The following EEF1E1 variants were observed in gnomAD, a reference collection of about 807,000 sequenced individuals.
EEF1E1 encodes eukaryotic translation elongation factor 1 epsilon 1, also known as eukaryotic translation elongation factor 1 epsilon-1.
In EEF1E1, 19 loss-of-function variants were observed where a neutral mutation model predicts 19.9. The ratio of observed to expected loss-of-function variants is 0.95; its 90% CI spans 0.66 to 1.40. EEF1E1 has a LOEUF of 1.40. Ranked by LOEUF, EEF1E1 falls within the 40% of genes most tolerant of loss-of-function variation. The pLI is 0.00. For synonymous variants in EEF1E1, 81 were observed against 80.0 expected (o/e 1.01, Z -0.07); for missense variants, 198 against 202.2 (o/e 0.98, Z 0.13).
At chr6:8,097,522 T>G (rs1581474926) in intron 1 of EEF1E1, 55 bp from the exon 2 acceptor site, 1 of 1,446,902 alleles carries the variant, frequency 6.9e-7, no homozygotes, top group East Asian at 2.4e-5. Context: ...ACATCATGAT[T>G]ATAACTTCTA....
chr6:8,089,557 C>A (rs1319850851), intron 3 of EEF1E1, among the ~76,000 whole-genome samples: 3 of 152,130 alleles, frequency 2.0e-5, no homozygotes, highest in African/African-American at 4.8e-5. Flanking sequence ...TGTTTTTCTG[C>A]CTGCTTTATG....
chr6:8,086,904 G>C (rs571027764), intron 3 of EEF1E1, among the ~76,000 whole-genome samples: 80 of 152,276 alleles, frequency 5.3e-4, no homozygotes, highest in Middle Eastern at 3.4e-3. Flanking sequence ...TTATAATTTA[G>C]AGAGATTTTC....
rs1317931780 is a variant in EEF1E1 at position 8,090,208 on chromosome 6, T to C, written c.362A>G (p.Tyr121Cys). The change falls in exon 3 of 4, where the codon TAC becomes TGC. Residue 121 changes from tyrosine (Y) to cysteine (C), a missense_variant. Tyr to Cys is a radical substitution (Grantham distance 194). Coordinates refer to ENST00000379715, the MANE Select transcript of EEF1E1 (RefSeq NM_004280.5). ...YNFTLADILL[Y>C]YGLHRFIVDL... ...CACTATAAAGCGATGAAGTCCATAG[T>C]ACAATAGTATATCTGCTAATGTAAA... 3.1e-5 allele frequency: 48 copies of C among 1,530,640 alleles called. No homozygotes were observed. Among genetic ancestry groups the C allele is most frequent in the Non-Finnish European group, 4.1e-5 (47 of 1,147,018 alleles). The allele number at this position is 1,530,640 out of a possible 1,614,324, so 94.8% of individuals were successfully genotyped here.
At position 8,085,685 on chromosome 6, in the gene EEF1E1, C is replaced by T. The variant is rs527660216; in HGVS notation, c.384+4501G>A. Among the ~76,000 whole-genome samples the T allele has an allele frequency of 3.9e-5, 6 of 152,274 alleles. No individual in the cohort carries two copies. The East Asian group carries it at 7.7e-4, about 20-fold the overall frequency. On this transcript the variant is annotated intron_variant, in intron 3 of 3. Coordinates refer to ENST00000379715, the MANE Select transcript of EEF1E1 (RefSeq NM_004280.5). The stretch of plus-strand genomic sequence containing the variant: ...TGTTTTGGATGAGAAATCATGTGGT[C>T]GCCCTATTTACAAAGAATATTTGTA...
intron 3 of EEF1E1, among the ~76,000 whole-genome samples, chr6:8,074,117 G>A (rs187029495): frequency 6.6e-6 from 1 of 152,274 alleles, no homozygotes; most frequent in East Asian, 1.9e-4. Flanking sequence ...TTGATGTCTG[G>A]AGTTCTGACG....
chr6:8,101,863 A>C, intron 1 of EEF1E1: 2 of 1,279,268 alleles, frequency 1.6e-6, no homozygotes, highest in South Asian at 2.5e-5. Context: ...TTGGGCCAAG[A>C]CTCCTTAGGT....
chr6:8,083,529 TATA>T (rs1338485114), intron 3 of EEF1E1, among the ~76,000 whole-genome samples: 18 of 147,224 alleles, frequency 1.2e-4, no homozygotes, highest in Non-Finnish European at 2.6e-4. Context: ...TCACTGGTGT[TATA>T]ATAAACAGCC....
intron 3 of EEF1E1, among the ~76,000 whole-genome samples, chr6:8,081,960 ATAGAG>A (rs981670219): frequency 3.3e-5 from 5 of 152,320 alleles, no homozygotes; most frequent in Admixed American, 3.3e-4. Flanking sequence ...TTTCCAAACA[ATAGAG>A]TACTAATGCT....
chr6:8,094,826 T>C (rs866272798), intron 2 of EEF1E1, among the ~76,000 whole-genome samples: 2 of 152,180 alleles, frequency 1.3e-5, no homozygotes, highest in Non-Finnish European at 2.9e-5. Context: ...GTGAAGACTA[T>C]GAGGATAAAG....
downstream of EEF1E1, among the ~76,000 whole-genome samples, chr6:8,077,265 G>A (rs548590333): frequency 6.6e-4 from 101 of 152,218 alleles, no homozygotes; most frequent in African/African-American, 2.3e-3. Context: ...ATTCTCAAGG[G>A]CCCTAGGATT....
chr6:8,082,621 A>G (rs1757750652), intron 3 of EEF1E1, among the ~76,000 whole-genome samples: 1 of 152,186 alleles, frequency 6.6e-6, no homozygotes, highest in Non-Finnish European at 1.5e-5. Context: ...ATTTGACAAT[A>G]TTTTTAGATG....
At chr6:8,085,796 A>G (rs1757838573) in intron 3 of EEF1E1, among the ~76,000 whole-genome samples, 2 of 152,304 alleles carry the variant, frequency 1.3e-5, no homozygotes, top group South Asian at 2.1e-4. Flanking sequence ...TTTTCTGACA[A>G]TTTTCTGATT....
At chr6:8,098,364 C>T (rs909206147) in intron 1 of EEF1E1, among the ~76,000 whole-genome samples, 1 of 152,126 alleles carries the variant, frequency 6.6e-6, no homozygotes, top group Non-Finnish European at 1.5e-5. Context: ...GTGATCCACC[C>T]ACCTCGGCCT....
intron 2 of EEF1E1, among the ~76,000 whole-genome samples, chr6:8,093,718 T>C (rs1394818019): frequency 6.6e-6 from 1 of 151,858 alleles, no homozygotes; most frequent in Non-Finnish European, 1.5e-5. Context: ...GGAATACATG[T>C]AAGTGAATTT....
At chr6:8,094,343 T>C (rs1482939923) in intron 2 of EEF1E1, among the ~76,000 whole-genome samples, 1 of 151,912 alleles carries the variant, frequency 6.6e-6, no homozygotes, top group Non-Finnish European at 1.5e-5. Context: ...ACTCCTGTAA[T>C]CCCAACACTT....
At chr6:8,081,016 G>A (rs778849373) in intron 3 of EEF1E1, among the ~76,000 whole-genome samples, 2 of 152,156 alleles carry the variant, frequency 1.3e-5, no homozygotes, top group Non-Finnish European at 2.9e-5. Flanking sequence ...GATCACCAAA[G>A]GTGAAGGATA....
At chr6:8,099,078 T>C (rs1758252005) in intron 1 of EEF1E1, among the ~76,000 whole-genome samples, 2 of 141,092 alleles carry the variant, frequency 1.4e-5, no homozygotes, top group Non-Finnish European at 3.3e-5. Flanking sequence ...TCCATTTTCT[T>C]TCCTTTACAT....
chr6:8,079,095 A>G (rs2113634116), downstream of EEF1E1, among the ~76,000 whole-genome samples: 1 of 152,334 alleles, frequency 6.6e-6, no homozygotes, highest in South Asian at 2.1e-4. Flanking sequence ...TGTTCTTCAC[A>G]CAGCACTTTA....
intron 1 of EEF1E1, among the ~76,000 whole-genome samples, chr6:8,101,240 AAAAAT>A (rs1758345220): frequency 1.3e-5 from 1 of 76,232 alleles, no homozygotes; most frequent in Non-Finnish European, 2.5e-5. Context: ...AAAAAAAAAA[AAAAAT>A]ATATATATAT....
Sources: gnomAD v4.1 joint callset for allele counts (sites outside exome capture counted in the v4.1 genomes callset) on GRCh38, gnomAD v4.1.1 for gene constraint, MANE v1.5 for transcripts, NCBI Gene and HGNC (gene_info 2026-07-23, HGNC 2026-07-21) for gene names.